Variants in TTLL13 observed in about 807,000 individuals in gnomAD.
The protein encoded by TTLL13 is tubulin polyglutamylase TTLL13.
At chr15:90,262,245 C>G in the TTLL13 span, 1 of 1,446,560 alleles carries the variant, frequency 6.9e-7, no homozygotes, top group Non-Finnish European at 9.1e-7. Flanking sequence ...AGTCCTGAAG[C>G]TGCATTGCTT....
At chr15:90,255,794 A>G in the TTLL13 span, 7 of 1,614,046 alleles carry the variant, frequency 4.3e-6, no homozygotes, top group East Asian at 1.6e-4. Context: ...AATCTGCCGC[A>G]AAGATCTGCT....
the TTLL13 span, among the ~76,000 whole-genome samples, chr15:90,256,601 C>CTTTCTTTA: frequency 3.0e-5 from 1 of 32,992 alleles, no homozygotes; most frequent in Admixed American, 4.3e-4. Flanking sequence ...TTCTTTCTTT[C>CTTTCTTTA]TTTCTTTCCT....
the TTLL13 span, chr15:90,251,606 G>C: frequency 6.2e-7 from 1 of 1,613,638 alleles, no homozygotes; most frequent in Non-Finnish European, 8.5e-7. Flanking sequence ...TAAGCACCCA[G>C]CCCGTCGCTC....
At chr15:90,258,950 GT>G in the TTLL13 span, 2 of 1,614,060 alleles carry the variant, frequency 1.2e-6, no homozygotes, top group Non-Finnish European at 1.7e-6. Context: ...TCTGGCATGT[GT>G]TTAGTTCTTC....
chr15:90,257,163 T>C, the TTLL13 span: 29 of 1,613,562 alleles, frequency 1.8e-5, no homozygotes, highest in East Asian at 3.6e-4. Flanking sequence ...GGCTTCAAGT[T>C]TGATATGCGA....
At chr15:90,250,538 G>A in the TTLL13 span, 1 of 1,462,662 alleles carries the variant, frequency 6.8e-7, no homozygotes, top group Non-Finnish European at 9.2e-7. Flanking sequence ...AGGTCGTTCT[G>A]GTGGATTCCT....
At chr15:90,256,581 CTTTCTTTCTTTCT>C in the TTLL13 span, among the ~76,000 whole-genome samples, 1 of 35,660 alleles carries the variant, frequency 2.8e-5, no homozygotes, top group Non-Finnish European at 5.4e-5. Context: ...TTCTTTCTTT[CTTTCTTTCTTTCT>C]TTCTTTCTTT....
chr15:90,252,947 G>C, the TTLL13 span, among the ~76,000 whole-genome samples: 1 of 152,166 alleles, frequency 6.6e-6, no homozygotes, highest in African/African-American at 2.4e-5. Context: ...AGGTTGCAGT[G>C]AGCCAAGACC....
chr15:90,250,770 C>T, the TTLL13 span: 6 of 1,614,122 alleles, frequency 3.7e-6, no homozygotes, highest in South Asian at 5.5e-5. Context: ...GACTATAAGG[C>T]ATTAAAAAAT....
the TTLL13 span, chr15:90,257,528 C>A: frequency 2.8e-6 from 3 of 1,090,106 alleles, no homozygotes; most frequent in African/African-American, 1.5e-5. Context: ...TGGAGAGAGA[C>A]AGGAGACGAG....
the TTLL13 span, chr15:90,262,444 C>T: frequency 1.4e-6 from 2 of 1,434,716 alleles, no homozygotes; most frequent in East Asian, 5.0e-5. Flanking sequence ...CACCCCTCTT[C>T]TCCCCAACAC....
the TTLL13 span, among the ~76,000 whole-genome samples, chr15:90,256,593 CTTTCT>C: frequency 5.1e-5 from 2 of 39,056 alleles, no homozygotes; most frequent in African/African-American, 1.0e-4. Context: ...TTCTTTCTTT[CTTTCT>C]TTCTTTCTTT....
the TTLL13 span, chr15:90,258,151 T>C: frequency 6.2e-7 from 1 of 1,614,242 alleles, no homozygotes; most frequent in Middle Eastern, 1.6e-4. Flanking sequence ...CATTCTGTTC[T>C]ACGCCACAAC....
the TTLL13 span, among the ~76,000 whole-genome samples, chr15:90,261,428 C>T: frequency 7.4e-5 from 11 of 148,220 alleles, no homozygotes; most frequent in African/African-American, 2.7e-4. Flanking sequence ...ACATATGTTA[C>T]TTTTACAATC....
chr15:90,251,280 A>ATATTTT, the TTLL13 span, among the ~76,000 whole-genome samples: 9 of 109,518 alleles, frequency 8.2e-5, no homozygotes, highest in African/African-American at 2.5e-4. Context: ...CGCATGGCAA[A>ATATTTT]TTTTTTTTTT....
the TTLL13 span, chr15:90,257,872 T>C: frequency 5.3e-6 from 5 of 938,160 alleles, no homozygotes; most frequent in Non-Finnish European, 8.1e-6. Context: ...TTTGGAGCTC[T>C]AAGTGCAGCC....
chr15:90,257,614 C>T, the TTLL13 span: 26 of 1,610,880 alleles, frequency 1.6e-5, no homozygotes, highest in Non-Finnish European at 2.2e-5. Flanking sequence ...CAGTCTGAGA[C>T]CACAGGGCCA....
chr15:90,253,210 G>A, the TTLL13 span: 2 of 1,551,302 alleles, frequency 1.3e-6, no homozygotes, highest in Admixed American at 1.7e-5. Flanking sequence ...CTTGTTGCTG[G>A]TGTCCATGCT....
chr15:90,257,128 A>C, the TTLL13 span: 1 of 1,610,836 alleles, frequency 6.2e-7, no homozygotes, highest in African/African-American at 1.3e-5. Context: ...ATGGGTTTGC[A>C]TGCTCCCAGC....
Sources: allele counts gnomAD v4.1 joint callset (sites outside exome capture counted in the v4.1 genomes callset), GRCh38; gene constraint gnomAD v4.1.1; transcripts MANE v1.5; gene names NCBI Gene and HGNC (gene_info 2026-07-23, HGNC 2026-07-21).